The following DSTYK variants were observed in gnomAD, a reference collection of about 807,000 sequenced individuals.
DSTYK encodes the protein RIP-homologous kinase.
In DSTYK, 34 loss-of-function variants were observed where a neutral mutation model predicts 98.7. That is an observed-to-expected ratio of 0.34 (90% confidence interval 0.26 to 0.46). The LOEUF (loss-of-function observed/expected upper bound fraction) is 0.46. Ranked by LOEUF, DSTYK falls within the 20% of genes least tolerant of loss-of-function variation. The pLI, the probability that DSTYK is intolerant of heterozygous loss-of-function variation, is 1.00. For synonymous variants in DSTYK, 462 were observed against 457.3 expected (o/e 1.01, Z -0.13); for missense variants, 962 against 1,181.7 (o/e 0.81, Z 2.73).
At position 205,149,809 on chromosome 1, in the gene DSTYK, A is replaced by G. The variant is rs115640054; in HGVS notation, c.2467+871T>C. On this transcript the variant is annotated intron_variant, in intron 11 of 12. Transcript: ENST00000367162. ...TCAAACTCAATGTATTTTATCTCCA[A>G]CCTTGTTTGCTACTATTCCCCAAAT... is the stretch of plus-strand genomic sequence containing the variant. 9.5e-3 allele frequency among the ~76,000 whole-genome samples: 1,447 copies of G among 152,120 alleles called. 19 individuals are homozygous for G. Among genetic ancestry groups the G allele is most frequent in the African/African-American group, 0.033 (1,362 of 41,504 alleles).
intron 4 of DSTYK, among the ~76,000 whole-genome samples, chr1:205,163,490 ATTACAGGCG>A (rs1309388606): frequency 6.6e-6 from 1 of 152,240 alleles, no homozygotes; most frequent in African/African-American, 2.4e-5. Flanking sequence ...AAGTGCTGGG[ATTACAGGCG>A]TGAGCCACTG....
rs1659069003 is a variant in DSTYK, at chr1:205,202,376, T to A, written c.265+8895A>T. ...AGAAACAGCATGTACCATTCCAACA[T>A]TACAATGGTTGCGTTGGTTGGTGTG... On this transcript the variant is annotated intron_variant, in intron 1 of 12. Transcript: ENST00000367162. 4 of 731,222 alleles carry A rather than the reference T, an allele frequency of 5.5e-6. No individual in the cohort carries two copies. The East Asian group carries it at 1.1e-4, about 20-fold the overall frequency. The allele number at this position is 731,222 out of a possible 1,614,324, so 45.3% of individuals were successfully genotyped here. A position where few individuals can be genotyped will look rare whatever the true frequency, so the allele number is the denominator to read the frequency against.
intron 10 of DSTYK, among the ~76,000 whole-genome samples, chr1:205,151,792 G>A (rs1434149506): frequency 6.7e-6 from 1 of 150,268 alleles, no homozygotes; most frequent in African/African-American, 2.5e-5. Context: ...CTATATCACT[G>A]TCTTCCACCT....
chr1:205,196,564 G>GA (rs1192582488), intron 1 of DSTYK, among the ~76,000 whole-genome samples: 1 of 151,870 alleles, frequency 6.6e-6, no homozygotes, highest in African/African-American at 2.4e-5. Context: ...CCTGTAAAAA[G>GA]AAAACAACAA....
intron 1 of DSTYK, among the ~76,000 whole-genome samples, chr1:205,206,338 G>A (rs1659201329): frequency 6.6e-6 from 1 of 151,060 alleles, no homozygotes; most frequent in Non-Finnish European, 1.5e-5. Flanking sequence ...AGAGTGCAAT[G>A]GTGCAATCTC....
intron 2 of DSTYK, among the ~76,000 whole-genome samples, chr1:205,179,435 G>A (rs757356553): frequency 4.6e-5 from 7 of 151,868 alleles, no homozygotes; most frequent in Non-Finnish European, 1.0e-4. Context: ...CCTGGCTAAC[G>A]CGGTTAAATC....
chr1:205,169,335 C>A lies in DSTYK; in HGVS notation c.1152G>T (p.Leu384=). ...INQAFDMQRD[L]QITPKRLEYT... ...ATTCCAGACGTTTGGGAGTGATCTG[C>A]AGGTCCCGCTGCATGTCAAATGCCT... is the stretch of plus-strand genomic sequence containing the variant. Residue 384 remains leucine (L), a synonymous_variant, in exon 3 of 13, where the codon CTG becomes CTT. Coordinates refer to ENST00000367162, the MANE Select transcript of DSTYK (RefSeq NM_015375.3). This position sits in a 1 kb window ranked among gnomAD's most constrained non-coding sequence, Gnocchi z 4.0. 4 of 1,614,172 alleles carry A rather than the reference C, an allele frequency of 2.5e-6. No individual in the cohort carries two copies. The highest frequency in any genetic ancestry group is 3.4e-6 in the Non-Finnish European group (4 of 1,180,026).
chr1:205,164,083 G>T, intron 3 of DSTYK, 128 bp from the exon 4 acceptor site: 1 of 744,274 alleles, frequency 1.3e-6, no homozygotes, highest in Non-Finnish European at 2.2e-6. Context: ...GACATGATTC[G>T]TTGATGATGT....
In DSTYK at chr1:205,169,455, G is replaced by T. The variant is rs1317412624; in HGVS notation, c.1032C>A (p.Ser344Arg). The T allele has an allele frequency of 6.2e-7, 1 of 1,614,122 alleles. No homozygotes were observed. Among genetic ancestry groups the T allele is most frequent in the East Asian group, 2.2e-5 (1 of 44,878 alleles). The change falls in exon 3 of 13, where the codon AGC becomes AGA. Residue 344 changes from serine to arginine, a missense_variant. Coordinates refer to ENST00000367162, the MANE Select transcript of DSTYK (RefSeq NM_015375.3). This position sits in a 1 kb window ranked among gnomAD's most constrained non-coding sequence, Gnocchi z 4.0. ...TCTGTAACACCTGGTGAGAAAATGT[G>T]CTCAAGTGTCTCAGCTTTTCACTCT... The part of the protein sequence containing the change: ...VEQSEKLRHL[S>R]TFSHQVLQTR...
At chr1:205,175,477 T>C (rs748905321) in intron 2 of DSTYK, among the ~76,000 whole-genome samples, 8 of 152,230 alleles carry the variant, frequency 5.3e-5, no homozygotes, top group Non-Finnish European at 8.8e-5. Flanking sequence ...CCTTCCCCAG[T>C]TGACCAACAT....
intron 1 of DSTYK, among the ~76,000 whole-genome samples, chr1:205,205,588 G>C (rs1659176153): frequency 1.3e-5 from 2 of 151,926 alleles, no homozygotes; most frequent in South Asian, 2.1e-4. Flanking sequence ...TGGGATTATA[G>C]GCCCGCACCG....
intron 1 of DSTYK, chr1:205,202,294 C>T (rs1659067063): frequency 1.5e-6 from 1 of 657,238 alleles, no homozygotes; most frequent in African/African-American, 1.8e-5. Context: ...ACTTCTCAGG[C>T]CATCAAGGGT....
At chr1:205,182,549 T>C (rs1658440446) in intron 2 of DSTYK, among the ~76,000 whole-genome samples, 1 of 141,520 alleles carries the variant, frequency 7.1e-6, no homozygotes. Flanking sequence ...CTCACGCCTG[T>C]AATCCCGGCA....
At chr1:205,178,614 G>A (rs1442612037) in intron 2 of DSTYK, among the ~76,000 whole-genome samples, 4 of 152,166 alleles carry the variant, frequency 2.6e-5, no homozygotes, top group Non-Finnish European at 4.4e-5. Flanking sequence ...TCTAATAAGA[G>A]TAGAAGAATA....
intron 5 of DSTYK, 36 bp from the exon 6 acceptor site, chr1:205,162,248 G>T: frequency 2.5e-6 from 4 of 1,606,676 alleles, no homozygotes; most frequent in Non-Finnish European, 3.4e-6. Flanking sequence ...ACCAAGGAAT[G>T]AGAGACAAGA....
intron 10 of DSTYK, among the ~76,000 whole-genome samples, chr1:205,153,762 G>C (rs1460687604): frequency 6.6e-6 from 1 of 151,742 alleles, no homozygotes; most frequent in Non-Finnish European, 1.5e-5. Flanking sequence ...CTGGTGCAGT[G>C]GTGCGATCTT....
intron 10 of DSTYK, among the ~76,000 whole-genome samples, chr1:205,154,056 C>CGTGTGTGT (rs34909035): frequency 3.8e-4 from 55 of 143,548 alleles, no homozygotes; most frequent in East Asian, 3.1e-3. Context: ...AGTATGCACA[C>CGTGTGTGT]GTGTGTGTGT....
chr1:205,168,450 G>A (rs4951172), intron 3 of DSTYK, among the ~76,000 whole-genome samples: 74,991 of 151,954 alleles, frequency 0.49, 21,340 homozygotes, highest in Non-Finnish European at 0.63. Flanking sequence ...GAAATCGTGA[G>A]TAAGTCTGCA....
At chr1:205,159,937 G>T in intron 8 of DSTYK, 177 bp downstream of exon 8, 1 of 841,872 alleles carries the variant, frequency 1.2e-6, no homozygotes. Flanking sequence ...GAGAAATTAG[G>T]ATGGTGGGGA....
Sources: allele counts gnomAD v4.1 joint callset (sites outside exome capture counted in the v4.1 genomes callset), GRCh38; gene constraint gnomAD v4.1.1; non-coding constraint Gnocchi (gnomAD v3.1); transcripts MANE v1.5; gene names NCBI Gene and HGNC (gene_info 2026-07-23, HGNC 2026-07-21).